Variants in ATP2B4 observed in about 807,000 individuals in gnomAD.
ATP2B4 encodes the protein ATPase plasma membrane Ca2+ transporting 4.
Under a neutral mutation model 110.3 loss-of-function variants are expected in ATP2B4, and 39 were observed. The ratio of observed to expected loss-of-function variants is 0.35; its 90% CI spans 0.27 to 0.46. The LOEUF (loss-of-function observed/expected upper bound fraction) is 0.46, where lower values mean the gene tolerates loss of function less well. Ranked by LOEUF, ATP2B4 falls within the 20% of genes least tolerant of loss-of-function variation. The pLI is 1.00. For synonymous variants in ATP2B4, 538 were observed against 571.7 expected (o/e 0.94, Z 0.84); for missense variants, 1,135 against 1,530.9 (o/e 0.74, Z 4.32).
intron 1 of ATP2B4, among the ~76,000 whole-genome samples, chr1:203,672,316 C>G (rs72743701): frequency 4.1e-5 from 5 of 122,828 alleles, no homozygotes; most frequent in African/African-American, 9.5e-5. Flanking sequence ...GAGTAAGTTG[C>G]GGTGGCTCTT....
intron 1 of ATP2B4, chr1:203,657,543 T>C: frequency 1.2e-6 from 1 of 819,030 alleles, no homozygotes; most frequent in East Asian, 2.4e-5. Flanking sequence ...TCTCTTTTCA[T>C]GCATCTTGAT....
intron 20 of ATP2B4, among the ~76,000 whole-genome samples, chr1:203,736,425 G>A (rs946642060): frequency 2.0e-5 from 3 of 151,826 alleles, no homozygotes; most frequent in African/African-American, 7.3e-5. Flanking sequence ...CTGAGATCAC[G>A]CCATTGCACT....
chr1:203,703,267 G>T (rs1295672303), intron 7 of ATP2B4, among the ~76,000 whole-genome samples: 1 of 151,952 alleles, frequency 6.6e-6, no homozygotes. Context: ...GCCCCTTTCT[G>T]CAGTAAAGAT....
intron 13 of ATP2B4, among the ~76,000 whole-genome samples, chr1:203,712,432 A>T (rs1020382954): frequency 6.6e-6 from 1 of 151,996 alleles, no homozygotes. Context: ...CTCTACCAAA[A>T]ATACAAAAAT....
intron 1 of ATP2B4, among the ~76,000 whole-genome samples, chr1:203,646,499 C>T (rs972585678): frequency 1.3e-5 from 2 of 152,178 alleles, no homozygotes; most frequent in Non-Finnish European, 2.9e-5. Flanking sequence ...CACAGTGGCT[C>T]ACGCCTGTAA....
In ATP2B4 at chr1:203,641,185, A is replaced by G. The variant is rs146394457; in HGVS notation, c.-465+13966A>G. 5.2e-3 allele frequency among the ~76,000 whole-genome samples: 786 copies of G among 152,318 alleles called. 5 individuals are homozygous for G. Among genetic ancestry groups the G allele is most frequent in the African/African-American group, 0.017 (700 of 41,564 alleles). ...TCTTTCATCCACAAGCACAGGACCC[A>G]TTGTGGGTGAACCAGGCAGTAGGTT... On this transcript the variant is annotated intron_variant, in intron 1 of 20. Transcript: ENST00000357681.
rs1558038964 is a variant in ATP2B4, at chr1:203,698,291, GAGAT to G, written c.329_332del (p.Glu110ValfsTer49). The G allele has an allele frequency of 1.2e-6, 2 of 1,614,112 alleles. No individual in the cohort carries two copies. Among genetic ancestry groups the G allele is most frequent in the Non-Finnish European group, 1.7e-6 (2 of 1,180,020 alleles). On this transcript the variant is annotated frameshift_variant, in exon 3 of 21. Coordinates refer to ENST00000357681, the MANE Select transcript of ATP2B4 (RefSeq NM_001684.5). LOFTEE classifies it high-confidence loss of function. ...TCAAGATGTCACGCTTATCATCCTG[GAGAT>G]TGCAGCCATCATCTCCCTGGTCCTG...
At chr1:203,713,754 C>T (rs1045196945) in intron 14 of ATP2B4, among the ~76,000 whole-genome samples, 35 of 152,294 alleles carry the variant, frequency 2.3e-4, no homozygotes, top group Middle Eastern at 3.4e-3. Context: ...CGTGAGCCAC[C>T]GCACCTGGCA....
chr1:203,684,344 C>T (rs1665112126), intron 2 of ATP2B4, among the ~76,000 whole-genome samples: 1 of 151,018 alleles, frequency 6.6e-6, no homozygotes, highest in African/African-American at 2.4e-5. Context: ...ATAATAACAC[C>T]CCATCTCTAT....
chr1:203,735,506 C>T (rs1258290349), intron 20 of ATP2B4, among the ~76,000 whole-genome samples: 1 of 152,136 alleles, frequency 6.6e-6, no homozygotes, highest in Non-Finnish European at 1.5e-5. Context: ...CCCACCCCGA[C>T]CTCTGCAAAG....
chr1:203,642,036 G>T (rs926076430), intron 1 of ATP2B4, among the ~76,000 whole-genome samples: 3 of 152,208 alleles, frequency 2.0e-5, no homozygotes, highest in African/African-American at 7.2e-5. Context: ...CCCTCTGGGC[G>T]TGCTTCTGGT....
intron 2 of ATP2B4, among the ~76,000 whole-genome samples, chr1:203,697,121 T>C (rs953676492): frequency 6.6e-6 from 1 of 152,218 alleles, no homozygotes; most frequent in African/African-American, 2.4e-5. Context: ...TGTGTGTTTG[T>C]GCCTCTGTGA....
At chr1:203,664,878 C>T (rs1664453923) in intron 1 of ATP2B4, among the ~76,000 whole-genome samples, 1 of 152,184 alleles carries the variant, frequency 6.6e-6, no homozygotes, top group South Asian at 2.1e-4. Flanking sequence ...GTCACCCAGG[C>T]TGGAGTGCAG....
rs867002042 is a variant in ATP2B4 at position 203,657,758 on chromosome 1, C to T, written c.-464-24984C>T. ...GTAATTCAATATATTCGTTCTGTGG[C>T]ATGGTGACAGGCGCAGAACCACCAG... is the stretch of plus-strand genomic sequence containing the variant. On this transcript the variant is annotated intron_variant, in intron 1 of 20. Coordinates refer to ENST00000357681, the MANE Select transcript of ATP2B4 (RefSeq NM_001684.5). 11 of 677,294 alleles carry T rather than the reference C, an allele frequency of 1.6e-5. No individual in the cohort carries two copies. The Middle Eastern group carries it at 1.2e-3, about 76-fold the overall frequency. The allele number at this position is 677,294 out of a possible 1,614,324, so 42.0% of individuals were successfully genotyped here.
intron 1 of ATP2B4, among the ~76,000 whole-genome samples, chr1:203,667,098 C>A (rs756631685): frequency 6.6e-6 from 1 of 152,048 alleles, no homozygotes; most frequent in Admixed American, 6.6e-5. Context: ...ACTATAGGTG[C>A]GCACCACCAT....
At chr1:203,681,683 T>A (rs946075174) in intron 1 of ATP2B4, among the ~76,000 whole-genome samples, 8 of 152,076 alleles carry the variant, frequency 5.3e-5, no homozygotes, top group African/African-American at 1.9e-4. Context: ...ACCCCCTAGT[T>A]AGCATGCGTG....
chr1:203,730,697 T>G (rs138162948), intron 20 of ATP2B4, among the ~76,000 whole-genome samples: 9 of 152,312 alleles, frequency 5.9e-5, no homozygotes, highest in Non-Finnish European at 1.3e-4. Context: ...ACTATGCCCC[T>G]CTCTACAAGG....
rs778108850 is a variant in ATP2B4 at position 203,702,028 on chromosome 1, T to C, written c.902-16T>C. ...TTTGGGTTTCGACCCCACTTTTTTC[T>C]TTCTTGTTCAAACAGGTAAAAAACA... On this transcript the variant is annotated splice_polypyrimidine_tract_variant and intron_variant, in intron 6 of 20. Transcript: ENST00000357681. 1 of 1,614,080 alleles carries C rather than the reference T, an allele frequency of 6.2e-7. No homozygotes were observed. Among genetic ancestry groups the C allele is most frequent in the Non-Finnish European group, 8.5e-7 (1 of 1,179,986 alleles).
At chr1:203,646,814 A>G (rs1432433065) in intron 1 of ATP2B4, among the ~76,000 whole-genome samples, 1 of 152,168 alleles carries the variant, frequency 6.6e-6, no homozygotes, top group East Asian at 1.9e-4. Context: ...CTGCCTCTAC[A>G]CAGGATCATC....
Sources: allele counts gnomAD v4.1 joint callset (sites outside exome capture counted in the v4.1 genomes callset), GRCh38; gene constraint gnomAD v4.1.1; transcripts MANE v1.5; gene names NCBI Gene and HGNC (gene_info 2026-07-23, HGNC 2026-07-21).